SLC36A1: variants seen among roughly 807,000 people sequenced by gnomAD.
SLC36A1 encodes solute carrier family 36 member 1, also known as proton-coupled amino acid transporter 1.
SLC36A1 carries 30 observed loss-of-function variants against 47.5 expected under a neutral mutation model. The observed-to-expected ratio is 0.63, with a 90% CI of 0.47 to 0.86. The LOEUF (loss-of-function observed/expected upper bound fraction) is 0.86. Among genes scored for constraint, SLC36A1 ranks in the 40% least tolerant of loss-of-function variants. The pLI, the probability that SLC36A1 is intolerant of heterozygous loss-of-function variation, is 0.00. For missense variants in SLC36A1, 517 were observed against 606.0 expected, an observed-to-expected ratio of 0.85 and a Z score of 1.54; for synonymous variants, 255 against 249.7, an observed-to-expected ratio of 1.02 and a Z score of -0.20.
At chr5:151,361,928 G>T in the SLC36A1 span, among the ~76,000 whole-genome samples, 2 of 152,158 alleles carry the variant, frequency 1.3e-5, no homozygotes, top group African/African-American at 4.8e-5. Flanking sequence ...TTTCCATTGA[G>T]AAGTCTGTTG....
the SLC36A1 span, chr5:151,511,021 T>G: frequency 6.6e-6 from 1 of 151,720 alleles, no homozygotes; most frequent in African/African-American, 2.4e-5. Context: ...AGCAGAAGAG[T>G]GCCATGCACA....
intron 5 of SLC36A1, 113 bp from the exon 6 acceptor site, chr5:151,467,086 G>A (rs1298652379): frequency 1.0e-5 from 8 of 768,200 alleles, no homozygotes; most frequent in Non-Finnish European, 1.7e-5. Flanking sequence ...TAACAAAACA[G>A]CACTTGTACT....
At chr5:151,527,880 G>C in the SLC36A1 span, 6 of 1,348,330 alleles carry the variant, frequency 4.4e-6, no homozygotes, top group East Asian at 2.3e-5. Flanking sequence ...GACATTCTGG[G>C]AAGGTCTGAG....
At chr5:151,522,565 G>A in the SLC36A1 span, among the ~76,000 whole-genome samples, 1 of 152,200 alleles carries the variant, frequency 6.6e-6, no homozygotes, top group Non-Finnish European at 1.5e-5. Flanking sequence ...CTTCTAGTCA[G>A]TCAACGAAGT....
At chr5:151,391,237 T>G in the SLC36A1 span, among the ~76,000 whole-genome samples, 3 of 152,200 alleles carry the variant, frequency 2.0e-5, no homozygotes, top group African/African-American at 4.8e-5. Flanking sequence ...ATGCTTCTGA[T>G]TTTTGCACAT....
chr5:151,551,292 G>A, the SLC36A1 span, among the ~76,000 whole-genome samples: 1 of 152,200 alleles, frequency 6.6e-6, no homozygotes, highest in African/African-American at 2.4e-5. Flanking sequence ...CAGAGTGGGA[G>A]AAAGAATTCT....
the SLC36A1 span, among the ~76,000 whole-genome samples, chr5:151,410,604 A>G: frequency 2.8e-5 from 4 of 144,962 alleles, no homozygotes; most frequent in Admixed American, 2.0e-4. Flanking sequence ...AAAAATTATT[A>G]TATATGCATG....
chr5:151,404,622 T>C, the SLC36A1 span, among the ~76,000 whole-genome samples: 2 of 152,326 alleles, frequency 1.3e-5, no homozygotes, highest in East Asian at 3.9e-4. Context: ...CAAATTCCCT[T>C]AGTGCTTGCT....
chr5:151,523,071 C>T, the SLC36A1 span, among the ~76,000 whole-genome samples: 180 of 152,306 alleles, frequency 1.2e-3, no homozygotes, highest in Middle Eastern at 3.4e-3. Flanking sequence ...CAGCTGTCAA[C>T]GAGGGTCTCC....
intron 10 of SLC36A1, among the ~76,000 whole-genome samples, chr5:151,487,177 C>T (rs755603805): frequency 1.3e-5 from 2 of 152,226 alleles, no homozygotes; most frequent in African/African-American, 4.8e-5. Flanking sequence ...GTGGAAAGAT[C>T]GGTGAGATGG....
the SLC36A1 span, among the ~76,000 whole-genome samples, chr5:151,540,047 A>G: frequency 1.5e-4 from 23 of 152,384 alleles, no homozygotes; most frequent in East Asian, 2.9e-3. Flanking sequence ...ATAGTGAGCC[A>G]TGTCAACAAG....
chr5:151,544,231 TGGTCAGAAGCCAACAGTTGGATCACA>T, the SLC36A1 span: 2 of 1,614,086 alleles, frequency 1.2e-6, no homozygotes, highest in African/African-American at 2.7e-5. Flanking sequence ...CCCTGAGTCC[TGGTCAGAAGCCAACAGTTGGATCACA>T]GGGGTCTGAG....
chr5:151,538,418 G>A, the SLC36A1 span, among the ~76,000 whole-genome samples: 6 of 152,278 alleles, frequency 3.9e-5, no homozygotes, highest in South Asian at 6.2e-4. Flanking sequence ...CTCCCTGACC[G>A]TATCCCCAGG....
At chr5:151,467,054 A>G in intron 5 of SLC36A1, 145 bp from the exon 6 acceptor site, 1 of 617,666 alleles carries the variant, frequency 1.6e-6, no homozygotes. Flanking sequence ...CCCAGGCACT[A>G]CCACTATGCA....
the SLC36A1 span, among the ~76,000 whole-genome samples, chr5:151,357,012 A>G: frequency 2.0e-5 from 3 of 152,326 alleles, no homozygotes; most frequent in Non-Finnish European, 4.4e-5. Flanking sequence ...CACTTGACCC[A>G]TCCAGAATCT....
chr5:151,366,907 G>C, the SLC36A1 span, among the ~76,000 whole-genome samples: 5 of 152,308 alleles, frequency 3.3e-5, no homozygotes, highest in South Asian at 8.3e-4. Flanking sequence ...CTAAGTCTCA[G>C]ACCAGCAAGT....
chr5:151,476,662 G>A lies in SLC36A1; in HGVS notation c.895G>A (p.Val299Ile), dbSNP rs764792234. 3.2e-5 allele frequency: 52 copies of A among 1,613,168 alleles called. No homozygotes were observed. Among genetic ancestry groups the A allele is most frequent in the South Asian group, 1.1e-4 (10 of 91,028 alleles). ...CATCCTGTACCTGGGCATGGTCATC[G>A]TCACCATCCTCTACATCAGCCTGGG... ...PLILYLGMVIVTILYISLGCL... is the reference protein window; with the variant it reads ...PLILYLGMVIITILYISLGCL... The change falls in exon 9 of 11, where the codon GTC becomes ATC. Residue 299 changes from valine (V) to isoleucine (I), a missense_variant. Physicochemically the swap from Val to Ile is conservative, Grantham distance 29. Transcript: ENST00000243389.
chr5:151,405,530 CA>C, the SLC36A1 span, among the ~76,000 whole-genome samples: 1 of 151,890 alleles, frequency 6.6e-6, no homozygotes, highest in South Asian at 2.1e-4. Context: ...GAATCTCATT[CA>C]GCTTTCTTGC....
the SLC36A1 span, among the ~76,000 whole-genome samples, chr5:151,366,054 T>A: frequency 0.35 from 53,880 of 152,060 alleles, 9,813 homozygotes; most frequent in South Asian, 0.43. Flanking sequence ...TCACCAACAT[T>A]TGTAGAGCAC....
Sources: allele counts gnomAD v4.1 joint callset (sites outside exome capture counted in the v4.1 genomes callset), GRCh38; gene constraint gnomAD v4.1.1; transcripts MANE v1.5; gene names NCBI Gene and HGNC (gene_info 2026-07-23, HGNC 2026-07-21).